PDZRN4: variants seen among roughly 807,000 people sequenced by gnomAD.
PDZRN4 encodes PDZ domain-containing RING finger protein 4.
A neutral mutation model predicts 99.0 loss-of-function variants in PDZRN4; 70 were observed. The observed-to-expected ratio is 0.71, with a 90% CI of 0.58 to 0.86. The LOEUF is 0.86. Among genes scored for constraint, PDZRN4 ranks in the 40% least tolerant of loss-of-function variants. The pLI is 0.00. For synonymous variants in PDZRN4, 551 were observed against 501.6 expected (o/e 1.10, Z -1.32); for missense variants, 1,474 against 1,331.2 (o/e 1.11, Z -1.67).
chr12:41,272,196 T>G (rs73120972), intron 3 of PDZRN4, among the ~76,000 whole-genome samples: 3,616 of 152,152 alleles, frequency 0.024, 141 homozygotes, highest in African/African-American at 0.082. Flanking sequence ...AATATTTACT[T>G]TAAGAACATA....
At chr12:41,275,703 C>T (rs1321771764) in intron 3 of PDZRN4, among the ~76,000 whole-genome samples, 1 of 151,856 alleles carries the variant, frequency 6.6e-6, no homozygotes, top group Non-Finnish European at 1.5e-5. Context: ...ACATATAAGG[C>T]TATAGATATA....
At chr12:41,250,613 G>A (rs1469511164) in intron 3 of PDZRN4, among the ~76,000 whole-genome samples, 1 of 152,160 alleles carries the variant, frequency 6.6e-6, no homozygotes, top group Non-Finnish European at 1.5e-5. Context: ...GGGTGTGCTT[G>A]ACAGGTTTGT....
rs750542722 is a variant in PDZRN4, at chr12:41,573,960, C to T, written c.*70C>T. 7.7e-5 allele frequency: 84 copies of T among 1,094,920 alleles called. No homozygotes were observed. Among genetic ancestry groups the T allele is most frequent in the Non-Finnish European group, 1.0e-4 (81 of 780,842 alleles). 67.8% of individuals were successfully genotyped at this position (1,094,920 alleles called of 1,614,324 possible). A position where few individuals can be genotyped will look rare whatever the true frequency, so the allele number is the denominator to read the frequency against. ...CAGTTTCGGTAGAGTATGATTGCCT[C>T]GTTCAATGTGGCGTTTTTATATATA... On this transcript the variant is annotated 3_prime_UTR_variant, in exon 10 of 10. Coordinates refer to ENST00000402685, the MANE Select transcript of PDZRN4 (RefSeq NM_001164595.2).
At chr12:41,570,990 A>G (rs921849692) in intron 9 of PDZRN4, among the ~76,000 whole-genome samples, 1 of 152,186 alleles carries the variant, frequency 6.6e-6, no homozygotes, top group African/African-American at 2.4e-5. Flanking sequence ...GGAACAAAAT[A>G]ACAATTATCT....
At chr12:41,356,264 G>A (rs560710183) in intron 3 of PDZRN4, among the ~76,000 whole-genome samples, 14 of 152,118 alleles carry the variant, frequency 9.2e-5, no homozygotes, top group Admixed American at 2.0e-4. Context: ...TTAAAAGTTT[G>A]AATTAATGGA....
chr12:41,327,197 T>C (rs1951715104), intron 3 of PDZRN4, among the ~76,000 whole-genome samples: 1 of 152,220 alleles, frequency 6.6e-6, no homozygotes, highest in Non-Finnish European at 1.5e-5. Flanking sequence ...GGCCATTATT[T>C]TTTTTATTTC....
intron 3 of PDZRN4, among the ~76,000 whole-genome samples, chr12:41,206,234 A>G (rs1950849923): frequency 6.6e-6 from 1 of 151,990 alleles, no homozygotes; most frequent in Non-Finnish European, 1.5e-5. Flanking sequence ...GGACATATAA[A>G]TGTTTAGCTT....
chr12:41,489,339 G>A (rs868241422), intron 3 of PDZRN4, among the ~76,000 whole-genome samples: 5 of 152,076 alleles, frequency 3.3e-5, no homozygotes, highest in Admixed American at 6.6e-5. Context: ...AAGACAGCCT[G>A]CTACAACAAA....
chr12:41,265,141 G>A (rs73270816), intron 3 of PDZRN4, among the ~76,000 whole-genome samples: 4,045 of 152,108 alleles, frequency 0.027, 174 homozygotes, highest in African/African-American at 0.091. Flanking sequence ...TGTCAAATGA[G>A]TCCTTAAAAG....
chr12:41,292,561 A>G (rs1951463411), intron 3 of PDZRN4, among the ~76,000 whole-genome samples: 1 of 151,970 alleles, frequency 6.6e-6, no homozygotes, highest in African/African-American at 2.4e-5. Flanking sequence ...TCCTTTTGCC[A>G]CTCGTTTGGG....
intron 3 of PDZRN4, among the ~76,000 whole-genome samples, chr12:41,202,318 A>T (rs1305052450): frequency 6.6e-6 from 1 of 152,070 alleles, no homozygotes; most frequent in Non-Finnish European, 1.5e-5. Context: ...TTTTCAAGGC[A>T]AGTTTAGGGA....
chr12:41,310,033 A>G (rs1163698113), intron 3 of PDZRN4, among the ~76,000 whole-genome samples: 1 of 152,010 alleles, frequency 6.6e-6, no homozygotes, highest in Non-Finnish European at 1.5e-5. Flanking sequence ...CCTGGCTTCA[A>G]GTGATTCTTT....
intron 3 of PDZRN4, among the ~76,000 whole-genome samples, chr12:41,480,700 C>T (rs968208565): frequency 6.6e-6 from 1 of 151,984 alleles, no homozygotes; most frequent in Non-Finnish European, 1.5e-5. Context: ...TAATTTCTTA[C>T]CTTCTCTTCT....
chr12:41,516,855 A>T (rs919409088), intron 5 of PDZRN4, among the ~76,000 whole-genome samples: 1 of 151,844 alleles, frequency 6.6e-6, no homozygotes, highest in Non-Finnish European at 1.5e-5. Context: ...TTTAGTTGAG[A>T]CAGATACTTC....
At chr12:41,506,847 T>C (rs987746534) in intron 4 of PDZRN4, 135 bp downstream of exon 4, 1 of 946,760 alleles carries the variant, frequency 1.1e-6, no homozygotes. Flanking sequence ...GGAAAATGTC[T>C]CCCCTGTTTT....
intron 7 of PDZRN4, among the ~76,000 whole-genome samples, chr12:41,560,887 T>C (rs1351726959): frequency 6.6e-6 from 1 of 152,186 alleles, no homozygotes; most frequent in East Asian, 1.9e-4. Context: ...CAATAGCATC[T>C]ACCAACCGGT....
At chr12:41,550,646 C>T (rs1450099248) in intron 5 of PDZRN4, among the ~76,000 whole-genome samples, 1 of 152,114 alleles carries the variant, frequency 6.6e-6, no homozygotes, top group Non-Finnish European at 1.5e-5. Flanking sequence ...TTCTTAAGCA[C>T]TATAATATAG....
intron 5 of PDZRN4, among the ~76,000 whole-genome samples, chr12:41,534,947 A>G (rs1291666389): frequency 6.6e-6 from 1 of 151,908 alleles, no homozygotes; most frequent in Non-Finnish European, 1.5e-5. Context: ...TGCATTCTAG[A>G]TAATTCTGTC....
chr12:41,343,576 G>A (rs1951832030), intron 3 of PDZRN4, among the ~76,000 whole-genome samples: 1 of 149,788 alleles, frequency 6.7e-6, no homozygotes, highest in African/African-American at 2.5e-5. Context: ...ACCAGAGACT[G>A]GAGAGGGGAA....
Sources: allele counts gnomAD v4.1 joint callset (sites outside exome capture counted in the v4.1 genomes callset), GRCh38; gene constraint gnomAD v4.1.1; transcripts MANE v1.5; gene names NCBI Gene and HGNC (gene_info 2026-07-23, HGNC 2026-07-21).